ZPBP: variants seen among roughly 807,000 people sequenced by gnomAD.
The protein encoded by ZPBP is zona pellucida binding protein, also known as zona pellucida-binding protein 1.
A neutral mutation model predicts 44.8 loss-of-function variants in ZPBP; 26 were observed. The observed-to-expected ratio is 0.58, with a 90% CI of 0.43 to 0.81. ZPBP has a LOEUF of 0.81. Ranked by LOEUF, ZPBP falls within the 30% of genes least tolerant of loss-of-function variation. The pLI, the probability that ZPBP is intolerant of heterozygous loss-of-function variation, is 0.00. For missense variants in ZPBP, 409 were observed against 434.0 expected (o/e 0.94, Z 0.51); for synonymous variants, 174 against 153.2 (o/e 1.14, Z -1.00).
chr7:49,940,269 A>G (rs1179953793), intron 7 of ZPBP, among the ~76,000 whole-genome samples: 2 of 152,188 alleles, frequency 1.3e-5, no homozygotes, highest in African/African-American at 2.4e-5. Flanking sequence ...AACGACAGTC[A>G]AGGAATAAAA....
At chr7:49,890,635 T>C (rs2128730312) in intron 2 of ZPBP, among the ~76,000 whole-genome samples, 1 of 152,236 alleles carries the variant, frequency 6.6e-6, no homozygotes, top group African/African-American at 2.4e-5. Context: ...AAAGCTACTT[T>C]TAGCCATGAT....
chr7:50,044,980 C>T (rs573695987), intron 4 of ZPBP, among the ~76,000 whole-genome samples: 1 of 152,296 alleles, frequency 6.6e-6, no homozygotes, highest in African/African-American at 2.4e-5. Context: ...CTCTGGGATG[C>T]AAGGCTGGTT....
intron 4 of ZPBP, among the ~76,000 whole-genome samples, chr7:50,038,504 T>C (rs192644858): frequency 2.0e-5 from 3 of 152,324 alleles, no homozygotes; most frequent in Non-Finnish European, 4.4e-5. Flanking sequence ...CCTAGGGCAC[T>C]GTTGAAAGCA....
intron 3 of ZPBP, among the ~76,000 whole-genome samples, chr7:50,069,790 A>G (rs2202772): frequency 0.83 from 125,952 of 151,896 alleles, 52,267 homozygotes; most frequent in East Asian, 0.88. Context: ...CAGGAGTTTC[A>G]GACACTGCTC....
intron 7 of ZPBP, among the ~76,000 whole-genome samples, chr7:49,949,814 T>C (rs1182958792): frequency 6.6e-6 from 1 of 151,970 alleles, no homozygotes; most frequent in East Asian, 1.9e-4. Context: ...CATTTTACCA[T>C]AATAAAAAGT....
intron 2 of ZPBP, among the ~76,000 whole-genome samples, chr7:50,085,188 G>C (rs1172275952): frequency 6.6e-6 from 1 of 152,120 alleles, no homozygotes; most frequent in Non-Finnish European, 1.5e-5. Context: ...AGGATACAGA[G>C]TGATAGGGAA....
At chr7:49,926,746 T>C (rs1158199468) in intron 1 of ZPBP, among the ~76,000 whole-genome samples, 2 of 152,178 alleles carry the variant, frequency 1.3e-5, no homozygotes, top group African/African-American at 4.8e-5. Flanking sequence ...GTTTAAAATG[T>C]CTGTAAGAGA....
intron 7 of ZPBP, among the ~76,000 whole-genome samples, chr7:49,975,432 C>A (rs1463227224): frequency 6.6e-6 from 1 of 152,102 alleles, no homozygotes. Flanking sequence ...CTTCTGTGGC[C>A]TGGATTGCCT....
chr7:49,869,730 T>A (rs751001609), intron 2 of ZPBP, among the ~76,000 whole-genome samples: 1 of 152,180 alleles, frequency 6.6e-6, no homozygotes, highest in Non-Finnish European at 1.5e-5. Flanking sequence ...GTGACAAACT[T>A]AAATCTATGT....
chr7:49,875,519 T>G (rs1225953553), intron 2 of ZPBP, among the ~76,000 whole-genome samples: 1 of 151,500 alleles, frequency 6.6e-6, no homozygotes, highest in Non-Finnish European at 1.5e-5. Flanking sequence ...GGAGAGCCAG[T>G]GTCCTTGGTG....
At position 50,020,463 on chromosome 7, in the gene ZPBP, G is replaced by A. The variant is rs117989799; in HGVS notation, c.707-2147C>T. Among the ~76,000 whole-genome samples the A allele has an allele frequency of 8.5e-3, 1,286 of 152,128 alleles. 10 individuals are homozygous for A. Among genetic ancestry groups the A allele is most frequent in the South Asian group, 0.028 (133 of 4,824 alleles). On this transcript the variant is annotated intron_variant, in intron 5 of 7. Coordinates refer to ENST00000046087, the MANE Select transcript of ZPBP (RefSeq NM_007009.3). ...AGGAGACTGTTTCAGCCCAAGTCCA[G>A]TATTAATGGTGTCAACAGGCAACAG...
intron 7 of ZPBP, among the ~76,000 whole-genome samples, chr7:49,956,282 G>C (rs949486300): frequency 6.6e-6 from 1 of 151,878 alleles, no homozygotes; most frequent in South Asian, 2.1e-4. Context: ...ATATAACACT[G>C]AAATTAATGG....
intron 7 of ZPBP, among the ~76,000 whole-genome samples, chr7:49,971,008 T>C (rs911107598): frequency 2.6e-5 from 4 of 152,052 alleles, no homozygotes; most frequent in Admixed American, 6.6e-5. Flanking sequence ...TGTGTCACTG[T>C]AGTCCAGCCT....
intron 6 of ZPBP, among the ~76,000 whole-genome samples, chr7:50,009,887 A>G (rs1352211901): frequency 6.6e-6 from 1 of 152,284 alleles, no homozygotes; most frequent in East Asian, 1.9e-4. Context: ...ACGTTCTTCA[A>G]AATAACTCCA....
chr7:49,891,961 T>C (rs182024983), intron 2 of ZPBP, among the ~76,000 whole-genome samples: 1 of 145,298 alleles, frequency 6.9e-6, no homozygotes, highest in Admixed American at 7.0e-5. Flanking sequence ...ATTCATAAAA[T>C]GAAAAGATAC....
At chr7:50,070,452 G>A (rs1232454425) in intron 3 of ZPBP, among the ~76,000 whole-genome samples, 1 of 152,230 alleles carries the variant, frequency 6.6e-6, no homozygotes, top group African/African-American at 2.4e-5. Flanking sequence ...ACGCAGGAGA[G>A]CCAGTTTTCA....
At chr7:49,920,731 T>TAAG (rs35452696) in intron 1 of ZPBP, 1 of 7,928 alleles carries the variant, frequency 1.3e-4, no homozygotes, top group Non-Finnish European at 2.9e-4. Context: ...TAATTTGAAT[T>TAAG]GTTTAAAATA....
chr7:50,009,298 T>A (rs1183407465), intron 6 of ZPBP, among the ~76,000 whole-genome samples: 1 of 151,064 alleles, frequency 6.6e-6, no homozygotes, highest in Non-Finnish European at 1.5e-5. Context: ...ACTTAATTCT[T>A]CCCTGATATT....
intron 7 of ZPBP, chr7:49,943,712 A>G (rs187453334): frequency 2.4e-5 from 6 of 254,348 alleles, no homozygotes; most frequent in Non-Finnish European, 4.6e-5. Context: ...TTCTTTTTCA[A>G]GTATGGCTCA....
Sources: allele counts gnomAD v4.1 joint callset (sites outside exome capture counted in the v4.1 genomes callset), GRCh38; gene constraint gnomAD v4.1.1; transcripts MANE v1.5; gene names NCBI Gene and HGNC (gene_info 2026-07-23, HGNC 2026-07-21).